IL31RA: variants seen among roughly 807,000 people sequenced by gnomAD.
The protein encoded by IL31RA is interleukin 31 receptor A, also known as interleukin-31 receptor subunit alpha.
IL31RA carries 66 observed loss-of-function variants against 83.7 expected under a neutral mutation model. That is an observed-to-expected ratio of 0.79 (90% CI 0.65 to 0.97). The LOEUF is 0.97. Ranked by LOEUF, IL31RA falls within the 50% of genes least tolerant of loss-of-function variation. IL31RA has a pLI of 0.00. For missense variants in IL31RA, 798 were observed against 919.4 expected (o/e 0.87, Z 1.71); for synonymous variants, 325 against 329.0 (o/e 0.99, Z 0.13).
chr5:55,917,528 T>A lies in IL31RA; in HGVS notation c.*408T>A, dbSNP rs555170115. Among the ~76,000 whole-genome samples, 1 of 152,218 alleles carries A rather than the reference T, an allele frequency of 6.6e-6. No individual in the cohort carries two copies. The highest frequency in any genetic ancestry group is 2.1e-4 in the South Asian group (1 of 4,802). On this transcript the variant is annotated 3_prime_UTR_variant, in exon 15 of 15. Transcript: ENST00000652347. ...CTCAGAGTTCCAGAAGGCCTTTCCC[T>A]GCTGCCAGAGGACAGTTGTTTTGTT... is the stretch of plus-strand genomic sequence containing the variant.
At chr5:55,898,893 G>T (rs1748630993) in intron 7 of IL31RA, among the ~76,000 whole-genome samples, 1 of 152,004 alleles carries the variant, frequency 6.6e-6, no homozygotes, top group South Asian at 2.1e-4. Context: ...GCATGGTGGT[G>T]CACACCTGTA....
intron 8 of IL31RA, among the ~76,000 whole-genome samples, chr5:55,901,684 C>T (rs1475154182): frequency 6.6e-6 from 1 of 151,594 alleles, no homozygotes; most frequent in Non-Finnish European, 1.5e-5. Context: ...GGTGTGATCT[C>T]AGCTCACCAC....
chr5:55,904,059 G>A (rs1748983880), intron 8 of IL31RA, among the ~76,000 whole-genome samples: 2 of 152,198 alleles, frequency 1.3e-5, no homozygotes, highest in African/African-American at 4.8e-5. Flanking sequence ...AGCTTCTTGT[G>A]TGTCTCTGTT....
In IL31RA at chr5:55,918,292, GGAAGGCT is replaced by G. The variant is rs1308884362; in HGVS notation, c.*1175_*1181del. 7.9e-5 allele frequency among the ~76,000 whole-genome samples: 12 copies of G among 152,198 alleles called. No individual in the cohort carries two copies. The highest frequency in any genetic ancestry group is 2.7e-4 in the African/African-American group (11 of 41,450). On this transcript the variant is annotated 3_prime_UTR_variant, in exon 15 of 15. Transcript: ENST00000652347. ...CAGTGAACCCAGCACTTGCCAGCCA[GGAAGGCT>G]GATGGTATTTTTTCTAGGAGAGTTT... is the stretch of plus-strand genomic sequence containing the variant.
chr5:55,853,701 T>C lies in IL31RA; in HGVS notation c.63+2068T>C, dbSNP rs1377854689. 7 of 821,966 alleles carry C rather than the reference T, an allele frequency of 8.5e-6. No homozygotes were observed. In the Admixed American group the frequency reaches 1.3e-4, roughly 15 times the overall value. The allele number at this position is 821,966 out of a possible 1,614,324, so 50.9% of individuals were successfully genotyped here. On this transcript the variant is annotated intron_variant, in intron 1 of 14. Transcript: ENST00000652347. The stretch of plus-strand genomic sequence containing the variant: ...AATTTCTCCTTGAACTGGTTGTTGA[T>C]AGTTAAGGGAATCTAATCTTTTGGC...
At chr5:55,898,528 A>G (rs1748577051) in intron 7 of IL31RA, among the ~76,000 whole-genome samples, 1 of 151,598 alleles carries the variant, frequency 6.6e-6, no homozygotes, top group Non-Finnish European at 1.5e-5. Flanking sequence ...TTTAAAAAGA[A>G]TGTTATTTAA....
intron 7 of IL31RA, among the ~76,000 whole-genome samples, chr5:55,898,746 G>A (rs1247849066): frequency 1.3e-5 from 2 of 151,674 alleles, no homozygotes; most frequent in Non-Finnish European, 2.9e-5. Flanking sequence ...AGAAAATGGG[G>A]CTGGGCGTGG....
rs752411374 is a variant in IL31RA, at chr5:55,917,102, C to T, written c.2277C>T (p.His759=). 3.1e-6 allele frequency: 5 copies of T among 1,614,046 alleles called. No individual in the cohort carries two copies. The highest frequency in any genetic ancestry group is 4.2e-6 in the Non-Finnish European group (5 of 1,180,038). Residue 759 remains histidine (H), a synonymous_variant, in exon 15 of 15, where the codon CAC becomes CAT. Coordinates refer to ENST00000652347, the MANE Select transcript of IL31RA (RefSeq NM_139017.7). ...TTGTGTCTGAAAAACTTCCAGAGCA[C>T]ACCAAGGGAGAAGTCTAAATGCGAC... ...EFLVSEKLPE[H]TKGEV
intron 11 of IL31RA, chr5:55,908,614 A>T: frequency 6.5e-7 from 1 of 1,550,120 alleles, no homozygotes; most frequent in Non-Finnish European, 8.7e-7. Flanking sequence ...GTGAAGTGAC[A>T]GTACCTGAGA....
chr5:55,919,413 C>T lies in IL31RA; in HGVS notation c.*2293C>T, dbSNP rs576818398. ...GGATTCCAGAGATAAGGATGTTGCC[C>T]TCTGGCCCCTGCTCCTTCATCATCA... On this transcript the variant is annotated 3_prime_UTR_variant, in exon 15 of 15. Coordinates refer to ENST00000652347, the MANE Select transcript of IL31RA (RefSeq NM_139017.7). 3.2e-4 allele frequency among the ~76,000 whole-genome samples: 49 copies of T among 152,304 alleles called. No homozygotes were observed. Among genetic ancestry groups the T allele is most frequent in the African/African-American group, 1.2e-3 (49 of 41,578 alleles).
At chr5:55,844,932 T>G in the IL31RA span, among the ~76,000 whole-genome samples, 4 of 152,218 alleles carry the variant, frequency 2.6e-5, no homozygotes. Context: ...TTTTTGTTAG[T>G]GTTTTTAACC....
chr5:55,909,818 C>A (rs1047430516), intron 11 of IL31RA, among the ~76,000 whole-genome samples: 1 of 151,984 alleles, frequency 6.6e-6, no homozygotes, highest in Non-Finnish European at 1.5e-5. Context: ...GATTCTCCTG[C>A]CTCAGCCTCC....
Position 55,890,121 on chromosome 5 carries a change from T to A in IL31RA, c.758T>A (p.Met253Lys). The A allele has an allele frequency of 6.2e-7, 1 of 1,613,822 alleles. No homozygotes were observed. Residue 253 changes from methionine to lysine, a missense_variant, in exon 6 of 15, where the codon ATG (methionine) becomes AAG (lysine). Met to Lys is a moderately conservative substitution (Grantham distance 95, BLOSUM62 -1). Coordinates refer to ENST00000652347, the MANE Select transcript of IL31RA (RefSeq NM_139017.7). ...WSDWSQEKMGMTEEEAPCGLE... is the reference protein window; with the variant it reads ...WSDWSQEKMGKTEEEAPCGLE... ...GACTGGAGCCAAGAAAAAATGGGAA[T>A]GACTGAGGAAGAAGGCAAGCTACTC...
chr5:55,861,404 C>T (rs558725654), intron 2 of IL31RA, among the ~76,000 whole-genome samples: 5 of 152,250 alleles, frequency 3.3e-5, no homozygotes, highest in African/African-American at 9.6e-5. Flanking sequence ...AAATCAGCAG[C>T]GGCATGAGAT....
chr5:55,916,577 C>T (rs760211911), intron 14 of IL31RA, 67 bp from the exon 15 acceptor site: 70 of 1,355,806 alleles, frequency 5.2e-5, no homozygotes, highest in African/African-American at 2.0e-4. Context: ...CCAAGCCTAA[C>T]GAGTTTTTGG....
At chr5:55,914,446 G>C (rs1050328641) in intron 13 of IL31RA, among the ~76,000 whole-genome samples, 7 of 152,122 alleles carry the variant, frequency 4.6e-5, no homozygotes, top group Non-Finnish European at 7.3e-5. Context: ...CTGCTGGTTG[G>C]GACCACACTT....
At chr5:55,913,834 A>C (rs548054976) in intron 13 of IL31RA, among the ~76,000 whole-genome samples, 5 of 152,290 alleles carry the variant, frequency 3.3e-5, no homozygotes, top group African/African-American at 1.2e-4. Context: ...GCTGCCCCAC[A>C]GGCTCTGTCT....
intron 6 of IL31RA, among the ~76,000 whole-genome samples, chr5:55,895,550 T>C (rs1047895584): frequency 6.6e-6 from 1 of 152,248 alleles, no homozygotes; most frequent in Non-Finnish European, 1.5e-5. Flanking sequence ...GAAAAAGGCA[T>C]GTGTCAGGAT....
intron 2 of IL31RA, 70 bp from the exon 3 acceptor site, chr5:55,868,721 T>A: frequency 1.1e-6 from 1 of 932,106 alleles, no homozygotes; most frequent in Non-Finnish European, 1.8e-6. Flanking sequence ...TTAAAAATGT[T>A]CAATGCTGGC....
Sources: gnomAD v4.1 joint callset for allele counts (sites outside exome capture counted in the v4.1 genomes callset) on GRCh38, gnomAD v4.1.1 for gene constraint, MANE v1.5 for transcripts, NCBI Gene and HGNC (gene_info 2026-07-23, HGNC 2026-07-21) for gene names.